Variants in PDE8A observed in about 807,000 individuals in gnomAD.
PDE8A encodes the protein high affinity cAMP-specific and IBMX-insensitive 3',5'-cyclic phosphodiesterase 8A.
Under a neutral mutation model 105.0 loss-of-function variants are expected in PDE8A, and 59 were observed. The ratio of observed to expected loss-of-function variants is 0.56; its 90% confidence interval spans 0.46 to 0.70. The LOEUF is 0.70. Ranked by LOEUF, PDE8A falls within the 30% of genes least tolerant of loss-of-function variation. The probability of loss-of-function intolerance (pLI) is 0.00; values close to 1 mark genes in which losing one functional copy is unlikely to be tolerated. For synonymous variants in PDE8A, 355 were observed against 371.9 expected, an observed-to-expected ratio of 0.95 and a Z score of 0.52; for missense variants, 1,014 against 1,045.9, an observed-to-expected ratio of 0.97 and a Z score of 0.42.
chr15:84,989,398 A>C (rs1048294668), intron 1 of PDE8A, among the ~76,000 whole-genome samples: 2 of 152,158 alleles, frequency 1.3e-5, no homozygotes, highest in Non-Finnish European at 2.9e-5. Flanking sequence ...TTCATGTCCT[A>C]TTAGGGAGTA....
intron 1 of PDE8A, among the ~76,000 whole-genome samples, chr15:85,012,605 G>A (rs1349034895): frequency 3.3e-5 from 5 of 150,896 alleles, no homozygotes; most frequent in Non-Finnish European, 5.9e-5. Flanking sequence ...GCTAAATGAC[G>A]AGTTAATGGG....
intron 3 of PDE8A, among the ~76,000 whole-genome samples, chr15:85,068,481 T>C (rs7402932): frequency 0.33 from 50,353 of 152,116 alleles, 9,744 homozygotes; most frequent in Middle Eastern, 0.45. Context: ...CCTGGATAGC[T>C]GCTTGTCTCT....
chr15:85,133,385 A>G (rs1756315136), intron 20 of PDE8A, among the ~76,000 whole-genome samples: 1 of 152,180 alleles, frequency 6.6e-6, no homozygotes, highest in Non-Finnish European at 1.5e-5. Flanking sequence ...ACTTGTCAGA[A>G]TGTTGCAAAT....
At chr15:85,013,049 CTT>C (rs1567228646) in intron 1 of PDE8A, among the ~76,000 whole-genome samples, 1 of 152,186 alleles carries the variant, frequency 6.6e-6, no homozygotes, top group Non-Finnish European at 1.5e-5. Context: ...GCTTTGTACT[CTT>C]GTCACTTTTT....
chr15:85,034,843 A>G (rs1380804853), intron 1 of PDE8A, among the ~76,000 whole-genome samples: 2 of 152,166 alleles, frequency 1.3e-5, no homozygotes, highest in Non-Finnish European at 2.9e-5. Flanking sequence ...GAGCCATGAA[A>G]CCTGGCCCAG....
intron 1 of PDE8A, among the ~76,000 whole-genome samples, chr15:85,006,449 T>G (rs928710933): frequency 2.0e-5 from 3 of 152,138 alleles, no homozygotes; most frequent in African/African-American, 7.2e-5. Flanking sequence ...TAGTTTGATT[T>G]GGGAATTAAC....
At chr15:85,014,858 C>T (rs1567229559) in intron 1 of PDE8A, among the ~76,000 whole-genome samples, 1 of 152,078 alleles carries the variant, frequency 6.6e-6, no homozygotes, top group Non-Finnish European at 1.5e-5. Context: ...CAACCATTAC[C>T]ACTAATCCTA....
intron 12 of PDE8A, among the ~76,000 whole-genome samples, chr15:85,111,581 A>T (rs903036419): frequency 2.0e-5 from 3 of 152,182 alleles, no homozygotes; most frequent in African/African-American, 7.2e-5. Context: ...TACCAATATC[A>T]CAATCAGTTA....
At chr15:85,115,696 C>T (rs913995376) in intron 15 of PDE8A, 13 of 539,160 alleles carry the variant, frequency 2.4e-5, no homozygotes, top group African/African-American at 2.2e-4. Flanking sequence ...CCGAGATGGG[C>T]AGATCACAAG....
chr15:85,119,951 A>G (rs1334208526), intron 17 of PDE8A, among the ~76,000 whole-genome samples: 1 of 152,142 alleles, frequency 6.6e-6, no homozygotes, highest in Non-Finnish European at 1.5e-5. Context: ...ATGATAATCC[A>G]GTGTGGCTCT....
intron 3 of PDE8A, among the ~76,000 whole-genome samples, chr15:85,070,561 G>A (rs911553712): frequency 6.6e-6 from 1 of 152,174 alleles, no homozygotes; most frequent in Admixed American, 6.5e-5. Flanking sequence ...GGATGAGCAG[G>A]AGTTTTGAAA....
intron 1 of PDE8A, among the ~76,000 whole-genome samples, chr15:85,048,052 C>T (rs911828508): frequency 6.6e-6 from 1 of 152,146 alleles, no homozygotes; most frequent in Non-Finnish European, 1.5e-5. Flanking sequence ...TATAATTTAG[C>T]AGTAGTATCC....
intron 6 of PDE8A, among the ~76,000 whole-genome samples, chr15:85,085,709 G>T (rs535044181): frequency 1.9e-3 from 277 of 145,324 alleles, no homozygotes; most frequent in Middle Eastern, 0.018. Context: ...ATATATTTAA[G>T]AATTTAGTAG....
intron 19 of PDE8A, among the ~76,000 whole-genome samples, chr15:85,125,645 G>A (rs1383575544): frequency 6.6e-6 from 1 of 152,162 alleles, no homozygotes; most frequent in African/African-American, 2.4e-5. Flanking sequence ...CTTCTTGTGA[G>A]TGCAGATCAA....
rs201634002 is a variant in PDE8A, at chr15:85,019,943, G to GTTTTT, written c.186+37618_186+37622dup. On this transcript the variant is annotated intron_variant, in intron 1 of 21. Transcript: ENST00000394553. ...AGAACTTTGGGGGAGTTTTTTTTTG[G>GTTTTT]TTTTTTTTTTTTTTTTTTTTTTTTT... 9.6e-4 allele frequency among the ~76,000 whole-genome samples: 62 copies of GTTTTT among 64,760 alleles called. 1 individual carries two copies. Among genetic ancestry groups the GTTTTT allele is most frequent in the African/African-American group, 2.3e-3 (37 of 15,766 alleles). 42.5% of individuals were successfully genotyped at this position (64,760 alleles called of 152,430 possible).
intron 1 of PDE8A, among the ~76,000 whole-genome samples, chr15:85,052,646 C>G: frequency 6.6e-6 from 1 of 152,166 alleles, no homozygotes; most frequent in South Asian, 2.1e-4. Context: ...TGTTCATATC[C>G]TTTGCCCACT....
chr15:85,069,657 C>T (rs1229114436), intron 3 of PDE8A, among the ~76,000 whole-genome samples: 3 of 152,176 alleles, frequency 2.0e-5, no homozygotes, highest in Non-Finnish European at 4.4e-5. Flanking sequence ...CCGAAAAGCT[C>T]ACACTAGGTT....
chr15:85,054,789 GT>G (rs1044046811), intron 1 of PDE8A, among the ~76,000 whole-genome samples: 1 of 152,128 alleles, frequency 6.6e-6, no homozygotes, highest in African/African-American at 2.4e-5. Flanking sequence ...TTTTTGAAGA[GT>G]TTTTTGTGTC....
At chr15:84,981,444 C>G (rs548603600), upstream of PDE8A, among the ~76,000 whole-genome samples, 2 of 152,298 alleles carry the variant, frequency 1.3e-5, no homozygotes, top group South Asian at 4.1e-4. Context: ...CGTTTCTGCG[C>G]TTCTCGACGG....
Sources: gnomAD v4.1 joint callset for allele counts (sites outside exome capture counted in the v4.1 genomes callset) on GRCh38, gnomAD v4.1.1 for gene constraint, MANE v1.5 for transcripts, NCBI Gene and HGNC (gene_info 2026-07-23, HGNC 2026-07-21) for gene names.